The following RCL1 variants were observed in gnomAD, a reference collection of about 807,000 sequenced individuals.
RCL1 encodes the protein RNA 3'-terminal phosphate cyclase-like protein.
A neutral mutation model predicts 42.4 loss-of-function variants in RCL1; 24 were observed. The ratio of observed to expected loss-of-function variants is 0.57; its 90% CI spans 0.41 to 0.80. The LOEUF (loss-of-function observed/expected upper bound fraction) is 0.80. Among genes scored for constraint, RCL1 ranks in the 30% least tolerant of loss-of-function variants. The probability of loss-of-function intolerance (pLI) is 0.00; values close to 1 mark genes in which losing one functional copy is unlikely to be tolerated. For synonymous variants in RCL1, 228 were observed against 177.3 expected (o/e 1.29, Z -2.27); for missense variants, 578 against 467.9 (o/e 1.24, Z -2.17).
At chr9:4,797,261 G>T (rs1321946175) in intron 1 of RCL1, among the ~76,000 whole-genome samples, 1 of 152,180 alleles carries the variant, frequency 6.6e-6, no homozygotes, top group African/African-American at 2.4e-5. Context: ...CTGGCACATA[G>T]GAAGAATAAA....
chr9:4,816,251 T>C (rs1218932550), intron 1 of RCL1, among the ~76,000 whole-genome samples: 1 of 152,214 alleles, frequency 6.6e-6, no homozygotes, highest in Non-Finnish European at 1.5e-5. Context: ...TGTTAAAGGA[T>C]TGCACATATG....
intron 3 of RCL1, among the ~76,000 whole-genome samples, chr9:4,830,295 G>A (rs768560012): frequency 3.9e-5 from 6 of 152,186 alleles, no homozygotes; most frequent in Non-Finnish European, 7.3e-5. Context: ...CTGAGGTTGG[G>A]ATTTTTTTTA....
chr9:4,803,441 C>G (rs10974791), intron 1 of RCL1, among the ~76,000 whole-genome samples: 228 of 152,220 alleles, frequency 1.5e-3, no homozygotes, highest in Non-Finnish European at 2.3e-3. Context: ...CAAGGGAATT[C>G]TAGTTTTCCC....
chr9:4,815,603 G>C lies in RCL1; in HGVS notation c.137-7945G>C, dbSNP rs540014049. On this transcript the variant is annotated intron_variant, in intron 1 of 8. Transcript: ENST00000381750. ...GTAGCCGCTTAAAGCTCGGCTTGAG[G>C]ATGTTGGGCCACTGGTCTAGGGTGT... Among the ~76,000 whole-genome samples, 8 of 152,226 alleles carry C rather than the reference G, an allele frequency of 5.3e-5. No homozygotes were observed. In the East Asian group the frequency reaches 1.4e-3, roughly 26 times the overall value.
At chr9:4,819,763 C>T (rs959164930) in intron 1 of RCL1, among the ~76,000 whole-genome samples, 10 of 152,162 alleles carry the variant, frequency 6.6e-5, no homozygotes, top group African/African-American at 1.7e-4. Flanking sequence ...GCCAAGATCG[C>T]GCCACTGCAC....
chr9:4,820,800 C>T (rs1353971011), intron 1 of RCL1, among the ~76,000 whole-genome samples: 2 of 152,128 alleles, frequency 1.3e-5, no homozygotes, highest in African/African-American at 2.4e-5. Flanking sequence ...TTAAAAAGAT[C>T]GTAGAAATAA....
chr9:4,852,837 C>A (rs1201658881), intron 8 of RCL1, among the ~76,000 whole-genome samples: 1 of 151,738 alleles, frequency 6.6e-6, no homozygotes. Context: ...TAGAGTAGCC[C>A]GGTCAGGTCA....
intron 5 of RCL1, chr9:4,839,515 G>C: frequency 4.9e-6 from 1 of 205,778 alleles, no homozygotes; most frequent in Non-Finnish European, 8.5e-6. Context: ...CTTTCCTGGG[G>C]ACAGTGGGCA....
At chr9:4,795,712 G>T (rs1842903039) in intron 1 of RCL1, among the ~76,000 whole-genome samples, 1 of 152,212 alleles carries the variant, frequency 6.6e-6, no homozygotes, top group African/African-American at 2.4e-5. Context: ...CAAGGTGCTT[G>T]CTTAAAACAT....
intron 1 of RCL1, among the ~76,000 whole-genome samples, chr9:4,822,753 C>G (rs1030678335): frequency 2.6e-5 from 4 of 152,016 alleles, no homozygotes; most frequent in African/African-American, 9.7e-5. Context: ...GCCAGGAGTT[C>G]CAGGTTACAG....
At chr9:4,816,393 A>G (rs1263030852) in intron 1 of RCL1, among the ~76,000 whole-genome samples, 1 of 152,166 alleles carries the variant, frequency 6.6e-6, no homozygotes, top group African/African-American at 2.4e-5. Context: ...TGTGAACTTT[A>G]AAGTCTTCTG....
rs1459637541 is a variant in RCL1 at position 4,860,396 on chromosome 9, T to C, written c.*121T>C. 9.7e-7 allele frequency: 1 copy of C among 1,035,942 alleles called. No individual in the cohort carries two copies. Among genetic ancestry groups the C allele is most frequent in the African/African-American group, 1.7e-5 (1 of 59,764 alleles). The allele number at this position is 1,035,942 out of a possible 1,614,324, so 64.2% of individuals were successfully genotyped here. Reference sequence around the variant, plus strand: ...GAATAGCCACTTGCTTAATTTTCTGTGAAGAAATATCAATATACAAATAAA... The same window carrying C: ...GAATAGCCACTTGCTTAATTTTCTGCGAAGAAATATCAATATACAAATAAA... On this transcript the variant is annotated 3_prime_UTR_variant, in exon 9 of 9. Transcript: ENST00000381750.
At chr9:4,827,125 T>A in intron 3 of RCL1, 92 bp downstream of exon 3, 1 of 1,578,692 alleles carries the variant, frequency 6.3e-7, no homozygotes, top group Non-Finnish European at 8.6e-7. Flanking sequence ...AAGGCACAGT[T>A]TTATTACAAA....
At chr9:4,852,783 T>A (rs548399999) in intron 8 of RCL1, among the ~76,000 whole-genome samples, 1 of 151,014 alleles carries the variant, frequency 6.6e-6, no homozygotes, top group African/African-American at 2.4e-5. Flanking sequence ...TTTTTTTTTT[T>A]AACTGCTCCT....
chr9:4,815,143 G>A (rs921074782), intron 1 of RCL1, among the ~76,000 whole-genome samples: 1 of 152,062 alleles, frequency 6.6e-6, no homozygotes, highest in Non-Finnish European at 1.5e-5. Context: ...TCCTAGATCT[G>A]TATGTTCATA....
At chr9:4,839,738 G>C in intron 5 of RCL1, 1 of 978,924 alleles carries the variant, frequency 1.0e-6, no homozygotes. Flanking sequence ...GCATTTCTGA[G>C]TACAAAAGTG....
intron 1 of RCL1, among the ~76,000 whole-genome samples, chr9:4,794,837 C>T (rs1351583388): frequency 6.6e-6 from 1 of 152,102 alleles, no homozygotes; most frequent in Non-Finnish European, 1.5e-5. Context: ...TATGAGCTCC[C>T]GTTTCTTCCA....
intron 3 of RCL1, chr9:4,827,411 G>A: frequency 1.9e-6 from 1 of 528,206 alleles, no homozygotes; most frequent in Non-Finnish European, 3.3e-6. Context: ...TTGGGCAGGA[G>A]ATCATAGCTC....
chr9:4,805,036 T>C (rs1286765540), intron 1 of RCL1: 1 of 152,294 alleles, frequency 6.6e-6, no homozygotes. Context: ...GACAGCCATG[T>C]CAGACTTGCT....
Sources: gnomAD v4.1 joint callset for allele counts (sites outside exome capture counted in the v4.1 genomes callset) on GRCh38, gnomAD v4.1.1 for gene constraint, MANE v1.5 for transcripts, NCBI Gene and HGNC (gene_info 2026-07-23, HGNC 2026-07-21) for gene names.